The following INSIG2 variants were observed in gnomAD, a reference collection of about 807,000 sequenced individuals.
INSIG2 encodes the protein insulin-induced gene 2 protein.
In INSIG2, 10 loss-of-function variants were observed where a neutral mutation model predicts 27.2. That is an observed-to-expected ratio of 0.37 (90% CI 0.23 to 0.62). The LOEUF (loss-of-function observed/expected upper bound fraction) is 0.62, where lower values mean the gene tolerates loss of function less well. Among genes scored for constraint, INSIG2 ranks in the 20% least tolerant of loss-of-function variants. INSIG2 has a pLI of 0.65. For synonymous variants in INSIG2, 97 were observed against 95.8 expected (o/e 1.01, Z -0.07); for missense variants, 178 against 270.2 (o/e 0.66, Z 2.39).
At chr2:118,101,567 A>G (rs1678545244) in intron 2 of INSIG2, among the ~76,000 whole-genome samples, 1 of 151,528 alleles carries the variant, frequency 6.6e-6, no homozygotes, top group Admixed American at 6.6e-5. Flanking sequence ...AAGGGAGGAT[A>G]TATATGGTGG....
At chr2:118,099,712 C>G (rs13034340) in intron 2 of INSIG2, among the ~76,000 whole-genome samples, 9,299 of 152,240 alleles carry the variant, frequency 0.061, 331 homozygotes, top group Middle Eastern at 0.14. Flanking sequence ...AAAGAAAAAT[C>G]TTTCCTGTTT....
rs1309588927 is a variant in INSIG2 at position 118,109,352 on chromosome 2, A to T, written c.*1030A>T. 6.6e-6 allele frequency: 1 copy of T among 152,048 alleles called. No homozygotes were observed. The highest frequency in any genetic ancestry group is 2.4e-5 in the African/African-American group (1 of 41,398). The allele number at this position is 152,048 out of a possible 1,614,324, so 9.4% of individuals were successfully genotyped here. A position where few individuals can be genotyped will look rare whatever the true frequency, so the allele number is the denominator to read the frequency against. On this transcript the variant is annotated 3_prime_UTR_variant, in exon 6 of 6. Coordinates refer to ENST00000245787, the MANE Select transcript of INSIG2 (RefSeq NM_016133.4). Reference sequence around the variant, plus strand: ...GGAATGCCTAGGTTTTTCATCTTACATGCAGTCTTGGGGGTGGATGAATAC... The same window carrying T: ...GGAATGCCTAGGTTTTTCATCTTACTTGCAGTCTTGGGGGTGGATGAATAC...
At chr2:118,097,589 A>G (rs1210134031) in intron 2 of INSIG2, among the ~76,000 whole-genome samples, 1 of 152,182 alleles carries the variant, frequency 6.6e-6, no homozygotes, top group East Asian at 1.9e-4. Context: ...AGCATTTCAC[A>G]ATACTTTATT....
In INSIG2 at chr2:118,092,117, A is replaced by G. The variant is rs554595174; in HGVS notation, c.-139+3576A>G. Reference sequence around the variant, plus strand: ...CCTTTTTAAAAATACTATTAAACATAAAATACCCCTTTCCATTAATTCCCT... The same window carrying G: ...CCTTTTTAAAAATACTATTAAACATGAAATACCCCTTTCCATTAATTCCCT... On this transcript the variant is annotated intron_variant, in intron 1 of 5. Transcript: ENST00000245787. 8.3e-4 allele frequency among the ~76,000 whole-genome samples: 126 copies of G among 152,330 alleles called. 1 individual carries two copies. The highest frequency in any genetic ancestry group is 2.9e-3 in the African/African-American group (122 of 41,570).
At chr2:118,107,875 A>C (rs900053255) in intron 5 of INSIG2, among the ~76,000 whole-genome samples, 1 of 152,166 alleles carries the variant, frequency 6.6e-6, no homozygotes, top group African/African-American at 2.4e-5. Flanking sequence ...CAATTTGAAA[A>C]TACAGTGATC....
rs1455289928 is a variant in INSIG2, at chr2:118,101,932, G to C, written c.245-1265G>C. Among the ~76,000 whole-genome samples the C allele has an allele frequency of 2.8e-4, 43 of 152,214 alleles. 1 individual carries two copies. The highest frequency in any genetic ancestry group is 5.9e-5 in the Non-Finnish European group (4 of 68,032). On this transcript the variant is annotated intron_variant, in intron 2 of 5. Coordinates refer to ENST00000245787, the MANE Select transcript of INSIG2 (RefSeq NM_016133.4). ...CAGCATCTCATCTCGAGATAGAAGG[G>C]TGGTCACACAGCCTTTTTCAAATGC...
intron 1 of INSIG2, among the ~76,000 whole-genome samples, chr2:118,094,269 A>AT (rs1558833046): frequency 1.4e-4 from 7 of 49,962 alleles, no homozygotes; most frequent in East Asian, 6.3e-4. Context: ...ATGATGATGA[A>AT]GGAGAGTTCT....
intron 1 of INSIG2, among the ~76,000 whole-genome samples, chr2:118,093,576 A>AGAT (rs746957859): frequency 7.1e-5 from 1 of 14,062 alleles, no homozygotes; most frequent in African/African-American, 2.1e-4. Flanking sequence ...GAAAGCAACC[A>AGAT]GATGATGATG....
chr2:118,099,695 AAAAAG>A (rs1191407643), intron 2 of INSIG2, among the ~76,000 whole-genome samples: 1 of 152,210 alleles, frequency 6.6e-6, no homozygotes, highest in Non-Finnish European at 1.5e-5. Flanking sequence ...TATCTAATGT[AAAAAG>A]AAAAGAAAAA....
At chr2:118,097,821 G>A (rs1162447912) in intron 2 of INSIG2, among the ~76,000 whole-genome samples, 1 of 152,088 alleles carries the variant, frequency 6.6e-6, no homozygotes, top group African/African-American at 2.4e-5. Flanking sequence ...GTCCTTCTTG[G>A]CTTCCATCCA....
chr2:118,092,609 C>G, intron 1 of INSIG2, among the ~76,000 whole-genome samples: 1 of 152,090 alleles, frequency 6.6e-6, no homozygotes, highest in East Asian at 1.9e-4. Context: ...GGAATCAGAC[C>G]TGAAGTGGAA....
Position 118,109,265 on chromosome 2 carries a change from A to G in INSIG2, c.*943A>G, listed in dbSNP as rs1420400943. ...CTAAATCTGTTGGGTTCTGTCTTCTATTGGGTTCTGTGAAGCAAACCACTG... is the reference window on the plus strand; with the variant it reads ...CTAAATCTGTTGGGTTCTGTCTTCTGTTGGGTTCTGTGAAGCAAACCACTG... On this transcript the variant is annotated 3_prime_UTR_variant, in exon 6 of 6. Coordinates refer to ENST00000245787, the MANE Select transcript of INSIG2 (RefSeq NM_016133.4). 2 of 152,150 alleles carry G rather than the reference A, an allele frequency of 1.3e-5. No homozygotes were observed. The highest frequency in any genetic ancestry group is 4.8e-5 in the African/African-American group (2 of 41,430). 9.4% of individuals were successfully genotyped at this position (152,150 alleles called of 1,614,324 possible).
intron 2 of INSIG2, among the ~76,000 whole-genome samples, chr2:118,100,941 G>T (rs1678530497): frequency 6.6e-6 from 1 of 152,028 alleles, no homozygotes; most frequent in Admixed American, 6.6e-5. Context: ...TTTAGCTTTG[G>T]TAGACTGTAA....
Position 118,106,848 on chromosome 2 carries a change from A to G in INSIG2, c.481A>G (p.Ile161Val), listed in dbSNP as rs1678684433. The part of the protein sequence containing the change: ...SRSGFGLGVG[I>V]AFLATVVTQL... ...AAGTGGTTTTGGCCTTGGAGTAGGA[A>G]TTGCCTTCTTGGCAACTGTGGTCAC... The change falls in exon 4 of 6, where the codon ATT (isoleucine) becomes GTT (valine). Residue 161 changes from isoleucine (I) to valine (V), a missense_variant. Coordinates refer to ENST00000245787, the MANE Select transcript of INSIG2 (RefSeq NM_016133.4). The G allele has an allele frequency of 2.5e-6, 4 of 1,614,128 alleles. No homozygotes were observed. The highest frequency in any genetic ancestry group is 1.3e-5 in the African/African-American group (1 of 75,046).
intron 2 of INSIG2, among the ~76,000 whole-genome samples, chr2:118,098,943 A>C (rs1678475022): frequency 6.6e-6 from 1 of 152,222 alleles, no homozygotes; most frequent in African/African-American, 2.4e-5. Context: ...TCTAGATTCC[A>C]GCCAATTCTG....
chr2:118,097,466 T>TAATAAA (rs1233468849), intron 2 of INSIG2, among the ~76,000 whole-genome samples: 1 of 152,246 alleles, frequency 6.6e-6, no homozygotes. Flanking sequence ...TACCTTAGAA[T>TAATAAA]AATAAATATT....
rs1678682722 is a variant in INSIG2 at position 118,106,787 on chromosome 2, A to G, written c.420A>G (p.Leu140=). The change falls in exon 4 of 6, where the codon CTA becomes CTG. Residue 140 remains leucine (L), a synonymous_variant. Coordinates refer to ENST00000245787, the MANE Select transcript of INSIG2 (RefSeq NM_016133.4). ...AGTTGTCTCTCACACTGGCTGCACT[A>G]TCCATTGGACTGTGGTGGACTTTTG... ...NIQLSLTLAA[L]SIGLWWTFDR... 12 of 1,613,888 alleles carry G rather than the reference A, an allele frequency of 7.4e-6. No individual in the cohort carries two copies. Among genetic ancestry groups the G allele is most frequent in the Non-Finnish European group, 1.0e-5 (12 of 1,179,868 alleles).
intron 2 of INSIG2, among the ~76,000 whole-genome samples, chr2:118,100,762 T>C (rs941059008): frequency 1.3e-5 from 2 of 152,212 alleles, no homozygotes; most frequent in Non-Finnish European, 2.9e-5. Context: ...TATTATCTTA[T>C]AGTTTTGCGT....
intron 1 of INSIG2, among the ~76,000 whole-genome samples, chr2:118,090,570 C>A (rs1678201252): frequency 1.3e-5 from 2 of 152,128 alleles, no homozygotes; most frequent in African/African-American, 4.8e-5. Flanking sequence ...CAAATTATTT[C>A]AACTTTTTTT....
Sources: allele counts gnomAD v4.1 joint callset (sites outside exome capture counted in the v4.1 genomes callset), GRCh38; gene constraint gnomAD v4.1.1; transcripts MANE v1.5; gene names NCBI Gene and HGNC (gene_info 2026-07-23, HGNC 2026-07-21).